The following TBX4 variants were observed in gnomAD, a reference collection of about 807,000 sequenced individuals.
TBX4 encodes T-box transcription factor 4.
Under a neutral mutation model 54.6 loss-of-function variants are expected in TBX4, and 13 were observed. The ratio of observed to expected loss-of-function variants is 0.24; its 90% CI spans 0.15 to 0.38. The LOEUF is 0.38. TBX4 is among the 10% of genes least tolerant of loss of function. The pLI is 1.00. For missense variants in TBX4, 631 were observed against 728.5 expected, an observed-to-expected ratio of 0.87 and a Z score of 1.54; for synonymous variants, 314 against 306.7, an observed-to-expected ratio of 1.02 and a Z score of -0.25.
rs1466462415 is a variant in TBX4, at chr17:61,457,597, G to T, written c.247G>T (p.Ala83Ser). 6.2e-7 allele frequency: 1 copy of T among 1,614,036 alleles called. No homozygotes were observed. The highest frequency in any genetic ancestry group is 1.1e-5 in the South Asian group (1 of 91,066). The change falls in exon 3 of 9, where the codon GCG becomes TCG. Residue 83 changes from alanine (A) to serine (S), a missense_variant. Ala to Ser is a moderately conservative substitution (Grantham distance 99, BLOSUM62 1). Transcript: ENST00000644296. This position sits in a 1 kb window ranked among gnomAD's most constrained non-coding sequence, Gnocchi z 8.2. ...GGAGCTCTGGAAGAAGTTCCACGAG[G>T]CGGGCACCGAGATGATCATCACTAA... ...EKELWKKFHE[A>S]GTEMIITKAG...
chr17:61,483,485 T>A lies in TBX4; in HGVS notation c.1610T>A (p.Met537Lys), dbSNP rs372012864. Reference sequence around the variant, plus strand: ...TCTTCCTTACAGTACCATTCAGGAATGGGGACTGTGGAGAACTGGACTGAC... The same window carrying A: ...TCTTCCTTACAGTACCATTCAGGAAAGGGGACTGTGGAGAACTGGACTGAC... ...RESSLQYHSG[M>K]GTVENWTDG The change falls in exon 9 of 9, where the codon ATG becomes AAG. Residue 537 changes from methionine (M) to lysine (K), a missense_variant. Coordinates refer to ENST00000644296, the MANE Select transcript of TBX4 (RefSeq NM_001321120.2). The surrounding 1 kb of genome is among the most constrained non-coding windows in gnomAD (Gnocchi z 6.6). 12 of 1,614,186 alleles carry A rather than the reference T, an allele frequency of 7.4e-6. No homozygotes were observed. The African/African-American group carries it at 1.1e-4, about 14-fold the overall frequency.
chr17:61,455,011 C>G (rs532751712), intron 1 of TBX4, among the ~76,000 whole-genome samples: 1 of 152,172 alleles, frequency 6.6e-6, no homozygotes, highest in African/African-American at 2.4e-5. Context: ...CCTAGGTTTC[C>G]GAGGCTCGGC....
At position 61,474,582 on chromosome 17, in the gene TBX4, T is replaced by C. The variant is rs2060605556; in HGVS notation, c.550-4045T>C. ...TATGGCGATCTCTTGAGGAGAGGGATGTTTGGCGCAATTGCAGTTGTTAAA... is the reference window on the plus strand; with the variant it reads ...TATGGCGATCTCTTGAGGAGAGGGACGTTTGGCGCAATTGCAGTTGTTAAA... On this transcript the variant is annotated intron_variant, in intron 5 of 8. Transcript: ENST00000644296. The surrounding 1 kb of genome is among the most constrained non-coding windows in gnomAD (Gnocchi z 4.6). 6.6e-6 allele frequency among the ~76,000 whole-genome samples: 1 copy of C among 152,254 alleles called. No individual in the cohort carries two copies. The highest frequency in any genetic ancestry group is 1.5e-5 in the Non-Finnish European group (1 of 68,038).
chr17:61,456,274 C>T (rs2060448161), intron 1 of TBX4, among the ~76,000 whole-genome samples: 2 of 152,192 alleles, frequency 1.3e-5, no homozygotes, highest in African/African-American at 2.4e-5. Context: ...ATTGAACTGC[C>T]GCAGACCCTC....
chr17:61,452,985 T>C (rs1285399223), intron 1 of TBX4: 1 of 985,276 alleles, frequency 1.0e-6, no homozygotes, highest in African/African-American at 1.7e-5. Flanking sequence ...TCCGTGTAGA[T>C]ATGTGAGTGA....
At position 61,478,271 on chromosome 17, in the gene TBX4, G is replaced by T; in HGVS notation, c.550-356G>T. On this transcript the variant is annotated intron_variant, in intron 5 of 8. Transcript: ENST00000644296. The surrounding 1 kb of genome is among the most constrained non-coding windows in gnomAD (Gnocchi z 7.4). ...TGACTCGGTGGCACCCTGGACTTTT[G>T]CTGACAGCTCACAATTCCACCTGCT... 3.0e-6 allele frequency: 1 copy of T among 334,666 alleles called. No homozygotes were observed. The highest frequency in any genetic ancestry group is 5.7e-6 in the Non-Finnish European group (1 of 174,140). The allele number at this position is 334,666 out of a possible 1,614,324, so 20.7% of individuals were successfully genotyped here.
chr17:61,456,390 G>A (rs1235202488), intron 1 of TBX4, 98 bp from the exon 2 acceptor site: 12 of 1,497,762 alleles, frequency 8.0e-6, no homozygotes, highest in East Asian at 5.1e-5. Flanking sequence ...GGCTGCCTCC[G>A]CGCCCCGCAC....
At chr17:61,456,400 CG>C (rs2060449437) in intron 1 of TBX4, 87 bp from the exon 2 acceptor site, 1 of 1,516,272 alleles carries the variant, frequency 6.6e-7, no homozygotes, top group South Asian at 1.2e-5. Context: ...GCGCCCCGCA[CG>C]AAGTCCCGGA....
rs1467411986 is a variant in TBX4, at chr17:61,474,997, TGGAGAA to T, written c.550-3622_550-3617del. On this transcript the variant is annotated intron_variant, in intron 5 of 8. Transcript: ENST00000644296. This position sits in a 1 kb window ranked among gnomAD's most constrained non-coding sequence, Gnocchi z 4.6. ...CTTCATAGATGGGGACCCCAATGGT[TGGAGAA>T]GGAGAAGAGCTTGCTCAGGACTTGA... Among the ~76,000 whole-genome samples, 3 of 152,238 alleles carry T rather than the reference TGGAGAA, an allele frequency of 2.0e-5. No individual in the cohort carries two copies. Among genetic ancestry groups the T allele is most frequent in the Non-Finnish European group, 4.4e-5 (3 of 68,044 alleles).
rs990016967 is a variant in TBX4, at chr17:61,483,646, GTGTGTGTA to G, written c.*132_*139del. The G allele has an allele frequency of 1.1e-4, 128 of 1,170,352 alleles. No individual in the cohort carries two copies. The highest frequency in any genetic ancestry group is 3.7e-4 in the Admixed American group (20 of 53,710). The allele number at this position is 1,170,352 out of a possible 1,614,324, so 72.5% of individuals were successfully genotyped here. A position where few individuals can be genotyped will look rare whatever the true frequency, so the allele number is the denominator to read the frequency against. ...TGTGTGTGTGTGTGTGTGTGTGTGT[GTGTGTGTA>G]TACACGAGCATGTATGTATTTGGAG... On this transcript the variant is annotated 3_prime_UTR_variant, in exon 9 of 9. Transcript: ENST00000644296. This position sits in a 1 kb window ranked among gnomAD's most constrained non-coding sequence, Gnocchi z 6.6.
Position 61,485,054 on chromosome 17 carries a change from A to G in TBX4, c.*1538A>G, listed in dbSNP as rs1043034468. Reference sequence around the variant, plus strand: ...TATGGAACTTCAAGTGTTTTGTTATATAGCATGGATGTTTTATTTTGCATA... The same window carrying G: ...TATGGAACTTCAAGTGTTTTGTTATGTAGCATGGATGTTTTATTTTGCATA... On this transcript the variant is annotated 3_prime_UTR_variant, in exon 9 of 9. Coordinates refer to ENST00000644296, the MANE Select transcript of TBX4 (RefSeq NM_001321120.2). The surrounding 1 kb of genome is among the most constrained non-coding windows in gnomAD (Gnocchi z 4.6). The G allele has an allele frequency of 2.0e-5, 3 of 151,924 alleles. No individual in the cohort carries two copies. The highest frequency in any genetic ancestry group is 7.2e-5 in the African/African-American group (3 of 41,386). The allele number at this position is 151,924 out of a possible 1,614,324, so 9.4% of individuals were successfully genotyped here. A position where few individuals can be genotyped will look rare whatever the true frequency, so the allele number is the denominator to read the frequency against.
chr17:61,464,644 G>A lies in TBX4; in HGVS notation c.282-1175G>A, dbSNP rs958593672. ...GTTTCTCTTGGGGAACACCTTTGTG[G>A]AAGATCAGCTGGGGTGGGGGATGGA... On this transcript the variant is annotated intron_variant, in intron 3 of 8. Transcript: ENST00000644296. This position sits in a 1 kb window ranked among gnomAD's most constrained non-coding sequence, Gnocchi z 5.8. Among the ~76,000 whole-genome samples, 1 of 152,192 alleles carries A rather than the reference G, an allele frequency of 6.6e-6. No homozygotes were observed. Among genetic ancestry groups the A allele is most frequent in the Non-Finnish European group, 1.5e-5 (1 of 68,048 alleles).
intron 5 of TBX4, among the ~76,000 whole-genome samples, chr17:61,470,028 AG>A (rs1223248117): frequency 6.6e-6 from 1 of 152,154 alleles, no homozygotes; most frequent in Non-Finnish European, 1.5e-5. Context: ...GTATCCCAGG[AG>A]CTTGAGCAGC....
Position 61,457,728 on chromosome 17 carries a change from TGTGGG to T in TBX4, c.281+98_281+102del. On this transcript the variant is annotated intron_variant, in intron 3 of 8. Coordinates refer to ENST00000644296, the MANE Select transcript of TBX4 (RefSeq NM_001321120.2). The surrounding 1 kb of genome is among the most constrained non-coding windows in gnomAD (Gnocchi z 8.2). ...TCCTCTCGGCCCCGGCCTGGTGGCCTGTGGGAGGCCTCTCTGCCTCCTCGGGCGTC... is the reference window on the plus strand; with the variant it reads ...TCCTCTCGGCCCCGGCCTGGTGGCCTAGGCCTCTCTGCCTCCTCGGGCGTC... 1 of 1,196,302 alleles carries T rather than the reference TGTGGG, an allele frequency of 8.4e-7. No individual in the cohort carries two copies. The highest frequency in any genetic ancestry group is 1.2e-6 in the Non-Finnish European group (1 of 825,302). 74.1% of individuals were successfully genotyped at this position (1,196,302 alleles called of 1,614,324 possible).
rs1391439351 is a variant in TBX4, at chr17:61,472,697, C to CTT, written c.549+5043_549+5044dup. Among the ~76,000 whole-genome samples the CTT allele has an allele frequency of 1.1e-4, 16 of 152,040 alleles. No individual in the cohort carries two copies. The highest frequency in any genetic ancestry group is 3.4e-4 in the African/African-American group (14 of 41,386). Reference sequence around the variant, plus strand: ...AACCCCCCTCCTTACTTATAAGGGACTTTTCTTTTAGTATTTTATGGATTT... The same window carrying CTT: ...AACCCCCCTCCTTACTTATAAGGGACTTTTTTCTTTTAGTATTTTATGGATTT... On this transcript the variant is annotated intron_variant, in intron 5 of 8. Transcript: ENST00000644296. This position sits in a 1 kb window ranked among gnomAD's most constrained non-coding sequence, Gnocchi z 4.5.
In TBX4 at chr17:61,457,727, C is replaced by G; in HGVS notation, c.281+96C>G. 5.8e-6 allele frequency: 7 copies of G among 1,197,610 alleles called. No homozygotes were observed. In the South Asian group the frequency reaches 9.1e-5, roughly 16 times the overall value. The allele number at this position is 1,197,610 out of a possible 1,614,324, so 74.2% of individuals were successfully genotyped here. ...GTCCTCTCGGCCCCGGCCTGGTGGC[C>G]TGTGGGAGGCCTCTCTGCCTCCTCG... is the stretch of plus-strand genomic sequence containing the variant. On this transcript the variant is annotated intron_variant, in intron 3 of 8. Transcript: ENST00000644296. The surrounding 1 kb of genome is among the most constrained non-coding windows in gnomAD (Gnocchi z 8.2).
Position 61,483,290 on chromosome 17 carries a change from T to C in TBX4, c.1415T>C (p.Phe472Ser), listed in dbSNP as rs1282301000. 1.2e-6 allele frequency: 2 copies of C among 1,613,726 alleles called. No individual in the cohort carries two copies. Among genetic ancestry groups the C allele is most frequent in the Non-Finnish European group, 1.7e-6 (2 of 1,179,840 alleles). The change falls in exon 9 of 9, where the codon TTT becomes TCT. Residue 472 changes from phenylalanine to serine, a missense_variant. Physicochemically the swap from Phe to Ser is radical, Grantham distance 155. Coordinates refer to ENST00000644296, the MANE Select transcript of TBX4 (RefSeq NM_001321120.2). The surrounding 1 kb of genome is among the most constrained non-coding windows in gnomAD (Gnocchi z 6.6). ...QSSQPPGNAH[F>S]SVYNQLSQSQ... is the part of the protein sequence containing the mutation. ...TCCCAGCCACCAGGAAATGCCCACT[T>C]TAGTGTCTACAATCAGCTCTCCCAG... is the stretch of plus-strand genomic sequence containing the variant.
chr17:61,471,592 C>T (rs2060578478), intron 5 of TBX4, among the ~76,000 whole-genome samples: 1 of 149,724 alleles, frequency 6.7e-6, no homozygotes, highest in African/African-American at 2.5e-5. Flanking sequence ...CTGGAATCCC[C>T]TCTTTTACAC....
rs1011594991 is a variant in TBX4 at position 61,479,157 on chromosome 17, A to T, written c.702+378A>T. 6.6e-6 allele frequency among the ~76,000 whole-genome samples: 1 copy of T among 151,950 alleles called. No homozygotes were observed. The highest frequency in any genetic ancestry group is 6.6e-5 in the Admixed American group (1 of 15,260). On this transcript the variant is annotated intron_variant, in intron 6 of 8. Transcript: ENST00000644296. This position sits in a 1 kb window ranked among gnomAD's most constrained non-coding sequence, Gnocchi z 6.1. ...TCAGAGACAGGGGTAGGGAATGGGG[A>T]TAGGAGCCCTGGGGTGCTGTCAGCT...
Sources: allele counts gnomAD v4.1 joint callset (sites outside exome capture counted in the v4.1 genomes callset), GRCh38; gene constraint gnomAD v4.1.1; non-coding constraint Gnocchi (gnomAD v3.1); transcripts MANE v1.5; gene names NCBI Gene and HGNC (gene_info 2026-07-23, HGNC 2026-07-21).